KIFAP3: variants seen among roughly 807,000 people sequenced by gnomAD.
KIFAP3 encodes kinesin-associated protein 3.
A neutral mutation model predicts 106.5 loss-of-function variants in KIFAP3; 68 were observed. The ratio of observed to expected loss-of-function variants is 0.64; its 90% confidence interval spans 0.53 to 0.78. The LOEUF (loss-of-function observed/expected upper bound fraction) is 0.78, where lower values mean the gene tolerates loss of function less well. Ranked by LOEUF, KIFAP3 falls within the 30% of genes least tolerant of loss-of-function variation. KIFAP3 has a pLI of 0.00. For missense variants in KIFAP3, 780 were observed against 941.8 expected (o/e 0.83, Z 2.25); for synonymous variants, 320 against 311.5 (o/e 1.03, Z -0.29).
chr1:169,998,941 C>A (rs1474848119), intron 10 of KIFAP3, among the ~76,000 whole-genome samples: 1 of 152,058 alleles, frequency 6.6e-6, no homozygotes, highest in South Asian at 2.1e-4. Flanking sequence ...CATTTTAGAA[C>A]AAAATTGAGT....
At chr1:170,081,349 T>C (rs888894477) in intron 1 of KIFAP3, among the ~76,000 whole-genome samples, 4 of 152,252 alleles carry the variant, frequency 2.6e-5, no homozygotes, top group South Asian at 2.1e-4. Context: ...TACACTATTA[T>C]ACACCTATAT....
intron 10 of KIFAP3, among the ~76,000 whole-genome samples, chr1:169,999,028 C>T (rs1667530077): frequency 6.6e-6 from 1 of 152,128 alleles, no homozygotes; most frequent in Non-Finnish European, 1.5e-5. Context: ...AGTAAAGACT[C>T]TTTGGCAGCC....
At chr1:169,956,304 C>T (rs536529159) in intron 18 of KIFAP3, among the ~76,000 whole-genome samples, 1 of 151,950 alleles carries the variant, frequency 6.6e-6, no homozygotes, top group Non-Finnish European at 1.5e-5. Flanking sequence ...AAAGTTTATA[C>T]TTATAAAATA....
Position 169,934,872 on chromosome 1 carries a change from C to T in KIFAP3, c.2274-13091G>A, listed in dbSNP as rs569348072. Among the ~76,000 whole-genome samples, 9 of 152,144 alleles carry T rather than the reference C, an allele frequency of 5.9e-5. No individual in the cohort carries two copies. The South Asian group carries it at 1.9e-3, about 32-fold the overall frequency. On this transcript the variant is annotated intron_variant, in intron 19 of 19. Coordinates refer to ENST00000361580, the MANE Select transcript of KIFAP3 (RefSeq NM_014970.4). The stretch of plus-strand genomic sequence containing the variant: ...ACTTGCTGATGGCAAACAGTATCTC[C>T]CTTCCCCAGAGTTTGTTGGGGGATA...
chr1:170,055,597 T>C (rs141526100), intron 1 of KIFAP3, among the ~76,000 whole-genome samples, 161 bp from the exon 2 acceptor site: 13 of 152,290 alleles, frequency 8.5e-5, no homozygotes, highest in Admixed American at 2.0e-4. Flanking sequence ...CTCTGTTTTA[T>C]ATACATATAT....
chr1:170,041,730 C>T, intron 3 of KIFAP3: 1 of 1,535,224 alleles, frequency 6.5e-7, no homozygotes, highest in South Asian at 1.2e-5. Context: ...TGAAAGACTT[C>T]TCCGGTAAGT....
intron 3 of KIFAP3, among the ~76,000 whole-genome samples, chr1:170,045,210 T>C (rs1477501898): frequency 6.6e-6 from 1 of 152,114 alleles, no homozygotes; most frequent in Non-Finnish European, 1.5e-5. Context: ...TAGCCTTCCA[T>C]CTTGTCTATG....
intron 19 of KIFAP3, among the ~76,000 whole-genome samples, chr1:169,947,796 C>T (rs1364678674): frequency 6.6e-6 from 1 of 151,564 alleles, no homozygotes; most frequent in Non-Finnish European, 1.5e-5. Context: ...TTATAAAAAA[C>T]ATTTTTAATA....
intron 19 of KIFAP3, among the ~76,000 whole-genome samples, chr1:169,943,154 T>C (rs1664234578): frequency 1.3e-5 from 2 of 152,174 alleles, no homozygotes; most frequent in South Asian, 4.1e-4. Context: ...AGAGCCCATA[T>C]GGCTCATATC....
At chr1:169,996,772 T>C (rs1277593253) in intron 10 of KIFAP3, among the ~76,000 whole-genome samples, 1 of 152,132 alleles carries the variant, frequency 6.6e-6, no homozygotes, top group Non-Finnish European at 1.5e-5. Context: ...CTGTACGATC[T>C]GCTGGACCTG....
At position 169,987,412 on chromosome 1, in the gene KIFAP3, T is replaced by C. The variant is rs1239005252; in HGVS notation, c.1285-2722A>G. On this transcript the variant is annotated intron_variant, in intron 11 of 19. Transcript: ENST00000361580. ...GCACCTGACTTCACTTATTTACCAC[T>C]GACCAGAGGCCAACCCCCACAGCTC... 3.9e-5 allele frequency among the ~76,000 whole-genome samples: 6 copies of C among 152,040 alleles called. No homozygotes were observed. In the East Asian group the frequency reaches 9.6e-4, roughly 24 times the overall value.
chr1:169,986,112 T>A (rs1411292908), intron 11 of KIFAP3, among the ~76,000 whole-genome samples: 1 of 151,866 alleles, frequency 6.6e-6, no homozygotes, highest in African/African-American at 2.4e-5. Context: ...GTTGGATTCA[T>A]GCCTTCATGA....
At chr1:169,977,357 C>T (rs1258442326) in intron 16 of KIFAP3, among the ~76,000 whole-genome samples, 1 of 152,130 alleles carries the variant, frequency 6.6e-6, no homozygotes, top group Non-Finnish European at 1.5e-5. Flanking sequence ...GAATGATAAA[C>T]TACCAGGTAC....
intron 10 of KIFAP3, among the ~76,000 whole-genome samples, chr1:170,010,704 A>G (rs1358824024): frequency 6.6e-6 from 1 of 152,034 alleles, no homozygotes; most frequent in East Asian, 1.9e-4. Flanking sequence ...TATTGCATAG[A>G]TTTATTAGAG....
At chr1:169,941,472 C>T (rs1330868076) in intron 19 of KIFAP3, among the ~76,000 whole-genome samples, 2 of 152,086 alleles carry the variant, frequency 1.3e-5, no homozygotes, top group African/African-American at 2.4e-5. Context: ...ATAAATATTA[C>T]ATATTTTTTC....
intron 19 of KIFAP3, among the ~76,000 whole-genome samples, chr1:169,948,364 T>G (rs1169833449): frequency 6.6e-6 from 1 of 151,858 alleles, no homozygotes; most frequent in African/African-American, 2.4e-5. Flanking sequence ...TGAAGCATGT[T>G]TTCTGCTGAG....
chr1:169,998,378 C>A (rs1667477276), intron 10 of KIFAP3, among the ~76,000 whole-genome samples: 1 of 54,304 alleles, frequency 1.8e-5, no homozygotes, highest in African/African-American at 7.5e-5. Context: ...TAGTGCTTCA[C>A]CAGATATATA....
rs139238126 is a variant in KIFAP3, at chr1:170,024,147, T to C, written c.1020+271A>G. 2.6e-3 allele frequency: 565 copies of C among 218,448 alleles called. 3 individuals carry two copies. The highest frequency in any genetic ancestry group is 2.4e-3 in the Non-Finnish European group (266 of 112,514). The allele number at this position is 218,448 out of a possible 1,614,324, so 13.5% of individuals were successfully genotyped here. Reference sequence around the variant, plus strand: ...GGTGACTCTGAAGTAAAATTTTAAATTTAAACAAACTTTCTATATATTATG... The same window carrying C: ...GGTGACTCTGAAGTAAAATTTTAAACTTAAACAAACTTTCTATATATTATG... On this transcript the variant is annotated intron_variant, in intron 9 of 19. Coordinates refer to ENST00000361580, the MANE Select transcript of KIFAP3 (RefSeq NM_014970.4).
At chr1:169,973,124 A>ATCTATATATATATATATAG (rs1361338751) in intron 16 of KIFAP3, among the ~76,000 whole-genome samples, 1 of 48,726 alleles carries the variant, frequency 2.1e-5, no homozygotes, top group African/African-American at 9.6e-5. Context: ...TATATATATA[A>ATCTATATATATATATATAG]ACAACACAAA....
Sources: allele counts gnomAD v4.1 joint callset (sites outside exome capture counted in the v4.1 genomes callset), GRCh38; gene constraint gnomAD v4.1.1; transcripts MANE v1.5; gene names NCBI Gene and HGNC (gene_info 2026-07-23, HGNC 2026-07-21).